DOCK4: variants seen among roughly 807,000 people sequenced by gnomAD.
DOCK4 encodes dedicator of cytokinesis protein 4.
DOCK4 carries 97 observed loss-of-function variants against 268.1 expected under a neutral mutation model. The ratio of observed to expected loss-of-function variants is 0.36; its 90% CI spans 0.31 to 0.43. The LOEUF is 0.43. Ranked by LOEUF, DOCK4 falls within the 20% of genes least tolerant of loss-of-function variation. DOCK4 has a pLI of 1.00. For missense variants in DOCK4, 2,145 were observed against 2,455.7 expected (o/e 0.87, Z 2.67); for synonymous variants, 954 against 887.2 (o/e 1.08, Z -1.34).
intron 16 of DOCK4, among the ~76,000 whole-genome samples, chr7:111,882,620 T>A (rs1336124804): frequency 2.0e-5 from 3 of 152,194 alleles, no homozygotes; most frequent in Non-Finnish European, 4.4e-5. Context: ...AATTTTTTTT[T>A]ACTTTTTTTG....
intron 16 of DOCK4, among the ~76,000 whole-genome samples, chr7:111,892,745 A>T (rs558448311): frequency 2.0e-5 from 3 of 152,360 alleles, no homozygotes; most frequent in Non-Finnish European, 4.4e-5. Context: ...CAGAAGAAGG[A>T]TTATGTATTA....
At chr7:111,907,303 A>G (rs1384664022) in intron 13 of DOCK4, among the ~76,000 whole-genome samples, 1 of 152,172 alleles carries the variant, frequency 6.6e-6, no homozygotes, top group African/African-American at 2.4e-5. Flanking sequence ...TGCTTATGAC[A>G]ATTAAGCAAG....
intron 1 of DOCK4, among the ~76,000 whole-genome samples, chr7:112,176,567 A>T (rs1346037781): frequency 6.6e-6 from 1 of 152,224 alleles, no homozygotes. Flanking sequence ...TACAAGCACA[A>T]TGCCCTTATT....
intron 1 of DOCK4, among the ~76,000 whole-genome samples, chr7:112,116,600 G>A (rs994255990): frequency 2.6e-5 from 4 of 152,186 alleles, no homozygotes; most frequent in Admixed American, 6.5e-5. Flanking sequence ...TGTAACTACA[G>A]AAAGAGTGAG....
At chr7:112,144,345 G>T (rs1815228300) in intron 1 of DOCK4, among the ~76,000 whole-genome samples, 1 of 152,200 alleles carries the variant, frequency 6.6e-6, no homozygotes, top group Non-Finnish European at 1.5e-5. Flanking sequence ...GCCAGTGGCT[G>T]GGGAATAAAC....
chr7:111,934,523 GTTTTTTTTTT>G (rs1183672033), intron 12 of DOCK4, among the ~76,000 whole-genome samples: 1 of 83,874 alleles, frequency 1.2e-5, no homozygotes, highest in African/African-American at 4.0e-5. Context: ...TTTTGTTTTT[GTTTTTTTTTT>G]TTTTTTTTTT....
intron 1 of DOCK4, among the ~76,000 whole-genome samples, chr7:112,152,457 G>A (rs1203304165): frequency 6.6e-6 from 1 of 152,174 alleles, no homozygotes; most frequent in African/African-American, 2.4e-5. Context: ...ACAAGTCACA[G>A]AGTCCAACAG....
chr7:111,924,380 T>C (rs1793421275), intron 12 of DOCK4, among the ~76,000 whole-genome samples: 1 of 152,184 alleles, frequency 6.6e-6, no homozygotes. Flanking sequence ...TGTGATATGC[T>C]AGTAGCCTAC....
At chr7:112,003,036 G>A (rs1800556383) in intron 2 of DOCK4, among the ~76,000 whole-genome samples, 1 of 140,050 alleles carries the variant, frequency 7.1e-6, no homozygotes, top group Non-Finnish European at 1.5e-5. Flanking sequence ...GGGTGACAGA[G>A]CAAGACTCCA....
intron 1 of DOCK4, among the ~76,000 whole-genome samples, chr7:112,119,911 G>A (rs555104019): frequency 6.6e-6 from 1 of 150,754 alleles, no homozygotes; most frequent in African/African-American, 2.4e-5. Flanking sequence ...GCAGTGGCGC[G>A]ATCTCGGCTC....
chr7:112,030,190 T>TG (rs1204741439), intron 1 of DOCK4, among the ~76,000 whole-genome samples: 1 of 152,064 alleles, frequency 6.6e-6, no homozygotes, highest in African/African-American at 2.4e-5. Context: ...CATTTGGGAG[T>TG]GTAACAGCAA....
intron 1 of DOCK4, among the ~76,000 whole-genome samples, chr7:112,115,351 AT>A (rs1205331923): frequency 3.3e-5 from 5 of 152,364 alleles, no homozygotes; most frequent in African/African-American, 1.2e-4. Context: ...CAGTGAGTCC[AT>A]CTGATGTGCT....
At chr7:112,191,766 C>T (rs1819973909) in intron 1 of DOCK4, among the ~76,000 whole-genome samples, 1 of 151,940 alleles carries the variant, frequency 6.6e-6, no homozygotes, top group Admixed American at 6.6e-5. Context: ...CAACAAATTA[C>T]TGGCCCTCTC....
chr7:111,795,812 T>C (rs1035895530), intron 30 of DOCK4, among the ~76,000 whole-genome samples: 3 of 152,184 alleles, frequency 2.0e-5, no homozygotes, highest in Non-Finnish European at 4.4e-5. Flanking sequence ...AAGACCTTCA[T>C]AAGCCTGAAT....
chr7:112,022,985 C>T (rs975723769), intron 1 of DOCK4, among the ~76,000 whole-genome samples: 3 of 152,104 alleles, frequency 2.0e-5, no homozygotes, highest in Admixed American at 6.5e-5. Flanking sequence ...GGCGTGGTCT[C>T]GGCTCACTGC....
In DOCK4 at chr7:112,198,370, A is replaced by G. The variant is rs550194241; in HGVS notation, c.37+7732T>C. ...ACTTCCTAGCCTGCGGAACTGTGAG[A>G]AACAAATTTCTTTTGTTTAAACTAT... On this transcript the variant is annotated intron_variant, in intron 1 of 52. Transcript: ENST00000428084. Among the ~76,000 whole-genome samples, 37 of 152,316 alleles carry G rather than the reference A, an allele frequency of 2.4e-4. No homozygotes were observed. The South Asian group carries it at 7.2e-3, about 30-fold the overall frequency.
At chr7:112,132,385 A>C (rs1309684942) in intron 1 of DOCK4, among the ~76,000 whole-genome samples, 2 of 152,164 alleles carry the variant, frequency 1.3e-5, no homozygotes, top group African/African-American at 2.4e-5. Context: ...AGTGGAAATT[A>C]ACCAGGAAAA....
chr7:111,998,378 C>T lies in DOCK4; in HGVS notation c.218+70G>A, dbSNP rs1395147976. 5 of 1,197,450 alleles carry T rather than the reference C, an allele frequency of 4.2e-6. No homozygotes were observed. In the South Asian group the frequency reaches 4.5e-5, roughly 11 times the overall value. 74.2% of individuals were successfully genotyped at this position (1,197,450 alleles called of 1,614,324 possible). On this transcript the variant is annotated intron_variant, in intron 4 of 52. Coordinates refer to ENST00000428084, the MANE Select transcript of DOCK4 (RefSeq NM_001363540.2). Reference sequence around the variant, plus strand: ...TTCATTTTTCAAGACAATTACTATGCCTTTCAAATTCCAAAAGAAGCAAAG... The same window carrying T: ...TTCATTTTTCAAGACAATTACTATGTCTTTCAAATTCCAAAAGAAGCAAAG...
At chr7:111,864,403 C>CGACT (rs1805806137) in intron 22 of DOCK4, among the ~76,000 whole-genome samples, 1 of 152,124 alleles carries the variant, frequency 6.6e-6, no homozygotes, top group Admixed American at 6.6e-5. Flanking sequence ...GAAGAAGAGT[C>CGACT]GACTAGCTTC....
Sources: allele counts gnomAD v4.1 joint callset (sites outside exome capture counted in the v4.1 genomes callset), GRCh38; gene constraint gnomAD v4.1.1; transcripts MANE v1.5; gene names NCBI Gene and HGNC (gene_info 2026-07-23, HGNC 2026-07-21).